The following PRMT3 variants were observed in gnomAD, a reference collection of about 807,000 sequenced individuals.
PRMT3 encodes the protein protein arginine N-methyltransferase 3.
In PRMT3, 62 loss-of-function variants were observed where a neutral mutation model predicts 71.9. The observed-to-expected ratio is 0.86, with a 90% confidence interval of 0.70 to 1.07. The LOEUF (loss-of-function observed/expected upper bound fraction) is 1.07, where lower values mean the gene tolerates loss of function less well. Ranked by LOEUF, PRMT3 falls within the 50% of genes least tolerant of loss-of-function variation. The pLI is 0.00. For synonymous variants in PRMT3, 213 were observed against 220.4 expected (o/e 0.97, Z 0.30); for missense variants, 663 against 643.0 (o/e 1.03, Z -0.34).
intron 14 of PRMT3, 66 bp downstream of exon 14, chr11:20,494,035 C>T (rs894245494): frequency 1.0e-5 from 15 of 1,466,548 alleles, no homozygotes; most frequent in Non-Finnish European, 1.4e-5. Context: ...TTATTTTGTG[C>T]CCCAAGGTGT....
chr11:20,494,349 TG>T, intron 15 of PRMT3, 95 bp downstream of exon 15: 1 of 1,110,414 alleles, frequency 9.0e-7, no homozygotes, highest in Non-Finnish European at 1.3e-6. Context: ...ACACTATATT[TG>T]TTTTTTGAGA....
At chr11:20,410,874 A>G (rs1849179168) in intron 9 of PRMT3, among the ~76,000 whole-genome samples, 1 of 152,092 alleles carries the variant, frequency 6.6e-6, no homozygotes, top group South Asian at 2.1e-4. Flanking sequence ...TCAGCAAGTG[A>G]CATCTGCAGT....
intron 5 of PRMT3, 96 bp from the exon 6 acceptor site, chr11:20,395,707 C>A: frequency 8.4e-7 from 1 of 1,196,176 alleles, no homozygotes; most frequent in South Asian, 1.5e-5. Flanking sequence ...CAATTGGCCA[C>A]ATAGTAGAAA....
chr11:20,393,338 T>C (rs1848758170), intron 5 of PRMT3, among the ~76,000 whole-genome samples: 1 of 152,128 alleles, frequency 6.6e-6, no homozygotes, highest in Admixed American at 6.5e-5. Flanking sequence ...TCCCATCTAC[T>C]CGGGAGGTTG....
intron 8 of PRMT3, among the ~76,000 whole-genome samples, chr11:20,404,219 T>TTGTTTTG (rs1407600858): frequency 1.1e-4 from 1 of 9,240 alleles, no homozygotes; most frequent in African/African-American, 2.2e-4. Context: ...TAGTTTTTTT[T>TTGTTTTG]TTTTTTTTTT....
In PRMT3 at chr11:20,398,423, A is replaced by C. The variant is rs543717368; in HGVS notation, c.705+702A>C. On this transcript the variant is annotated intron_variant, in intron 7 of 15. Transcript: ENST00000331079. ...TGTTTTGGTCAGTCAGACTGGTGTG[A>C]TGGTGCTTCCATGAGACTATAATGC... Among the ~76,000 whole-genome samples, 10 of 152,240 alleles carry C rather than the reference A, an allele frequency of 6.6e-5. No individual in the cohort carries two copies. In the South Asian group the frequency reaches 2.1e-3, roughly 32 times the overall value.
chr11:20,484,525 A>G (rs986003320), intron 13 of PRMT3, among the ~76,000 whole-genome samples: 1 of 152,118 alleles, frequency 6.6e-6, no homozygotes, highest in Non-Finnish European at 1.5e-5. Context: ...CATGACAGTG[A>G]GTCTCAAGGT....
Position 20,397,655 on chromosome 11 carries a change from GGAGGAT to G in PRMT3, c.647_652del (p.Glu216_Asp217del). On this transcript the variant is annotated inframe_deletion, in exon 7 of 16. Coordinates refer to ENST00000331079, the MANE Select transcript of PRMT3 (RefSeq NM_005788.4). The stretch of plus-strand genomic sequence containing the variant: ...CTACTAGTGTCATTGCGGACCTCCA[GGAGGAT>G]GAGGATGGTGTTTATTTCAGCTCAT... 6.2e-7 allele frequency: 1 copy of G among 1,614,136 alleles called. No individual in the cohort carries two copies. The highest frequency in any genetic ancestry group is 8.5e-7 in the Non-Finnish European group (1 of 1,180,018).
At chr11:20,393,761 AG>A (rs531091980) in intron 5 of PRMT3, 45 of 152,348 alleles carry the variant, frequency 3.0e-4, no homozygotes, top group African/African-American at 1.1e-3. Flanking sequence ...AACATTAAAA[AG>A]TTTTTATTAT....
chr11:20,500,885 C>T (rs1309923325), intron 15 of PRMT3, among the ~76,000 whole-genome samples: 1 of 152,168 alleles, frequency 6.6e-6, no homozygotes, highest in East Asian at 1.9e-4. Context: ...TTAAACTTCT[C>T]ACTGGACAGT....
chr11:20,419,387 A>G (rs553137377), intron 9 of PRMT3, among the ~76,000 whole-genome samples: 2 of 152,166 alleles, frequency 1.3e-5, no homozygotes, highest in Non-Finnish European at 2.9e-5. Flanking sequence ...ATCTATGTGT[A>G]TATTTTGGAC....
intron 11 of PRMT3, among the ~76,000 whole-genome samples, chr11:20,453,318 T>TAA (rs35130616): frequency 0.08 from 7,762 of 96,644 alleles, 325 homozygotes; most frequent in Middle Eastern, 0.15. Flanking sequence ...CCGTCTTTAC[T>TAA]AAAAAAAAAA....
chr11:20,452,213 G>A lies in PRMT3; in HGVS notation c.1072+5G>A, dbSNP rs1850166747. 3 of 1,591,840 alleles carry A rather than the reference G, an allele frequency of 1.9e-6. No homozygotes were observed. The highest frequency in any genetic ancestry group is 2.2e-5 in the East Asian group (1 of 44,658). On this transcript the variant is annotated splice_donor_5th_base_variant and intron_variant, in intron 11 of 15. Transcript: ENST00000331079. ...ACTTGGCAAAAGGAGGCTCGGGTGA[G>A]TATAAAATTCTGGTTTTAATAATCT...
chr11:20,486,165 C>G (rs1026388667), intron 13 of PRMT3, among the ~76,000 whole-genome samples: 2 of 152,080 alleles, frequency 1.3e-5, no homozygotes, highest in Non-Finnish European at 2.9e-5. Context: ...TTTGTAGACA[C>G]AGACTGGGCA....
chr11:20,407,079 G>T (rs1442185648), intron 8 of PRMT3: 1 of 152,128 alleles, frequency 6.6e-6, no homozygotes, highest in African/African-American at 2.4e-5. Context: ...AGGTCATGAA[G>T]GGTATATACC....
intron 10 of PRMT3, among the ~76,000 whole-genome samples, chr11:20,428,270 A>G (rs1256652607): frequency 6.6e-6 from 1 of 152,232 alleles, no homozygotes; most frequent in Non-Finnish European, 1.5e-5. Context: ...CATTTGAGGC[A>G]TATAGACAAG....
chr11:20,465,037 G>C (rs1488454594), intron 13 of PRMT3, among the ~76,000 whole-genome samples: 3 of 152,208 alleles, frequency 2.0e-5, no homozygotes, highest in South Asian at 2.1e-4. Flanking sequence ...AAGTTAGGCA[G>C]ATCTGGGTTC....
intron 15 of PRMT3, among the ~76,000 whole-genome samples, chr11:20,497,693 T>TAC (rs1851364508): frequency 6.6e-6 from 1 of 152,148 alleles, no homozygotes; most frequent in Non-Finnish European, 1.5e-5. Flanking sequence ...GATGTGTATA[T>TAC]GTAGGATTAA....
intron 12 of PRMT3, 145 bp from the exon 13 acceptor site, chr11:20,464,315 G>A: frequency 8.8e-7 from 1 of 1,136,830 alleles, no homozygotes; most frequent in Non-Finnish European, 1.2e-6. Flanking sequence ...TAGCATGTGA[G>A]TAAAGTTTGC....
Sources: allele counts gnomAD v4.1 joint callset (sites outside exome capture counted in the v4.1 genomes callset), GRCh38; gene constraint gnomAD v4.1.1; transcripts MANE v1.5; gene names NCBI Gene and HGNC (gene_info 2026-07-23, HGNC 2026-07-21).